ESYT2: variants seen among roughly 807,000 people sequenced by gnomAD.
ESYT2 encodes extended synaptotagmin 2, also known as extended synaptotagmin-2.
Under a neutral mutation model 107.2 loss-of-function variants are expected in ESYT2, and 54 were observed. The observed-to-expected ratio is 0.50, with a 90% confidence interval of 0.40 to 0.63. The LOEUF (loss-of-function observed/expected upper bound fraction) is 0.63. ESYT2 is among the 30% of genes least tolerant of loss of function. ESYT2 has a pLI of 0.00. For synonymous variants in ESYT2, 491 were observed against 434.1 expected (o/e 1.13, Z -1.63); for missense variants, 1,020 against 1,094.5 (o/e 0.93, Z 0.96).
intron 6 of ESYT2, among the ~76,000 whole-genome samples, chr7:158,783,586 C>G (rs1182949918): frequency 6.6e-6 from 1 of 152,204 alleles, no homozygotes; most frequent in East Asian, 1.9e-4. Flanking sequence ...GAGCCACCAG[C>G]CAGCGTGAAA....
chr7:158,741,411 C>G, intron 18 of ESYT2, 112 bp downstream of exon 18: 1 of 1,440,080 alleles, frequency 6.9e-7, no homozygotes, highest in South Asian at 1.4e-5. Flanking sequence ...TTAGGCCTCC[C>G]TCCCCAAAGC....
chr7:158,753,863 C>A (rs756567002), intron 13 of ESYT2, among the ~76,000 whole-genome samples: 2 of 152,120 alleles, frequency 1.3e-5, no homozygotes, highest in African/African-American at 4.8e-5. Context: ...GATGAGAACT[C>A]TGCTGCCCGG....
chr7:158,738,328 TACACACACACACACAGACACAC>T (rs1437256782), intron 19 of ESYT2, among the ~76,000 whole-genome samples: 3 of 62,926 alleles, frequency 4.8e-5, no homozygotes, highest in Admixed American at 1.9e-4. Flanking sequence ...AAAAAAAAAA[TACACACACACACACAGACACAC>T]ACACACACAC....
intron 1 of ESYT2, among the ~76,000 whole-genome samples, chr7:158,802,702 A>T (rs1839681026): frequency 6.6e-6 from 1 of 152,246 alleles, no homozygotes. Flanking sequence ...AATTCTGCTG[A>T]CTCATTCCTC....
chr7:158,824,956 A>G (rs540821210), intron 1 of ESYT2, among the ~76,000 whole-genome samples: 3 of 152,234 alleles, frequency 2.0e-5, no homozygotes, highest in African/African-American at 7.2e-5. Flanking sequence ...GTTGAGCCCA[A>G]GAGTTCAAGC....
chr7:158,737,685 C>A (rs1233483925), intron 19 of ESYT2, among the ~76,000 whole-genome samples: 2 of 152,144 alleles, frequency 1.3e-5, no homozygotes, highest in African/African-American at 4.8e-5. Context: ...GTATCCCCCA[C>A]GATCATTATC....
rs1160930775 is a variant in ESYT2, at chr7:158,770,458, ATC to A, written c.804-2686_804-2685del. On this transcript the variant is annotated intron_variant, in intron 7 of 22. Transcript: ENST00000275418. ...TTTTTTGAATGGTGTTTGTGTATTT[ATC>A]TGTTAGGTAAGTATATATTTTTAAT... 3.3e-5 allele frequency among the ~76,000 whole-genome samples: 5 copies of A among 151,308 alleles called. No individual in the cohort carries two copies. The East Asian group carries it at 5.8e-4, about 18-fold the overall frequency.
intron 17 of ESYT2, among the ~76,000 whole-genome samples, chr7:158,742,708 A>G (rs1391678108): frequency 3.9e-5 from 6 of 152,024 alleles, no homozygotes; most frequent in Non-Finnish European, 8.8e-5. Context: ...CTTGTAAATC[A>G]CTCCACTCAC....
intron 18 of ESYT2, among the ~76,000 whole-genome samples, chr7:158,740,416 C>T (rs1243476570): frequency 6.6e-6 from 1 of 152,208 alleles, no homozygotes. Flanking sequence ...CACACAGTGT[C>T]CTTATTACAA....
chr7:158,774,973 G>A (rs1002995604), intron 6 of ESYT2, among the ~76,000 whole-genome samples: 3 of 152,102 alleles, frequency 2.0e-5, no homozygotes, highest in Non-Finnish European at 4.4e-5. Flanking sequence ...GAACAGGAAA[G>A]AGAATACAAT....
rs1031900128 is a variant in ESYT2, at chr7:158,798,929, C to T, written c.372+102G>A. 4.2e-5 allele frequency: 50 copies of T among 1,197,540 alleles called. 1 individual carries two copies. The highest frequency in any genetic ancestry group is 3.8e-4 in the South Asian group (27 of 71,348). The allele number at this position is 1,197,540 out of a possible 1,614,324, so 74.2% of individuals were successfully genotyped here. ...AGAAGCCAACCCACTAAAGTCCAAA[C>T]GAGCTCAAATATTACCAACATGCAA... On this transcript the variant is annotated intron_variant, in intron 2 of 22. Coordinates refer to ENST00000275418, the MANE Select transcript of ESYT2 (RefSeq NM_001367773.1).
intron 21 of ESYT2, 23 bp downstream of exon 21, chr7:158,735,480 T>A: frequency 1.3e-6 from 2 of 1,591,516 alleles, no homozygotes; most frequent in South Asian, 1.1e-5. Context: ...CAGGAACTGG[T>A]TGAGGATTCG....
At chr7:158,800,078 G>A (rs1177504631) in intron 1 of ESYT2, among the ~76,000 whole-genome samples, 2 of 143,202 alleles carry the variant, frequency 1.4e-5, no homozygotes, top group Non-Finnish European at 3.0e-5. Context: ...TTGAGACAGA[G>A]TCTCACTGTC....
In ESYT2 at chr7:158,757,354, G is replaced by A. The variant is rs374154761; in HGVS notation, c.1419+2132C>T. Among the ~76,000 whole-genome samples, 25 of 152,290 alleles carry A rather than the reference G, an allele frequency of 1.6e-4. No homozygotes were observed. In the East Asian group the frequency reaches 2.9e-3, roughly 18 times the overall value. Reference sequence around the variant, plus strand: ...CACAAATAGTGCTCTATAGACTGAGGCGGTATTTTCACAAAACACTAGTCC... The same window carrying A: ...CACAAATAGTGCTCTATAGACTGAGACGGTATTTTCACAAAACACTAGTCC... On this transcript the variant is annotated intron_variant, in intron 13 of 22. Coordinates refer to ENST00000275418, the MANE Select transcript of ESYT2 (RefSeq NM_001367773.1).
At chr7:158,814,020 TC>T (rs1840064325) in intron 1 of ESYT2, among the ~76,000 whole-genome samples, 1 of 151,920 alleles carries the variant, frequency 6.6e-6, no homozygotes, top group African/African-American at 2.4e-5. Flanking sequence ...AACGCTGTGA[TC>T]CCAGCACTTT....
rs185592555 is a variant in ESYT2 at position 158,771,588 on chromosome 7, T to G, written c.803+1753A>C. Among the ~76,000 whole-genome samples the G allele has an allele frequency of 6.0e-4, 91 of 152,194 alleles. 1 individual carries two copies. Among genetic ancestry groups the G allele is most frequent in the Non-Finnish European group, 1.2e-3 (82 of 68,022 alleles). On this transcript the variant is annotated intron_variant, in intron 7 of 22. Coordinates refer to ENST00000275418, the MANE Select transcript of ESYT2 (RefSeq NM_001367773.1). ...TGTAGCTGCAGGCACAGCAAGAGAC[T>G]GCCTGAAAACAAGCCCACGAGGGAC...
chr7:158,788,588 G>C lies in ESYT2; in HGVS notation c.585-171C>G, dbSNP rs145769513. On this transcript the variant is annotated intron_variant, in intron 4 of 22. Coordinates refer to ENST00000275418, the MANE Select transcript of ESYT2 (RefSeq NM_001367773.1). ...CAAATTATAGTATTTTACTGCTCCA[G>C]GTGTGCAGGCTGTTATCAGATCCAA... Among the ~76,000 whole-genome samples the C allele has an allele frequency of 4.8e-3, 730 of 152,302 alleles. 4 individuals carry two copies. Among genetic ancestry groups the C allele is most frequent in the Non-Finnish European group, 8.0e-3 (541 of 68,038 alleles).
Sources: allele counts gnomAD v4.1 joint callset (sites outside exome capture counted in the v4.1 genomes callset), GRCh38; gene constraint gnomAD v4.1.1; transcripts MANE v1.5; gene names NCBI Gene and HGNC (gene_info 2026-07-23, HGNC 2026-07-21).